TMEFF2: variants seen among roughly 807,000 people sequenced by gnomAD.
TMEFF2 encodes the protein transmembrane protein with EGF like and two follistatin like domains 2.
Under a neutral mutation model 53.8 loss-of-function variants are expected in TMEFF2, and 28 were observed. The ratio of observed to expected loss-of-function variants is 0.52; its 90% CI spans 0.39 to 0.71. The LOEUF (loss-of-function observed/expected upper bound fraction) is 0.71. Ranked by LOEUF, TMEFF2 falls within the 30% of genes least tolerant of loss-of-function variation. The pLI is 0.00. For missense variants in TMEFF2, 353 were observed against 455.2 expected (o/e 0.78, Z 2.04); for synonymous variants, 162 against 166.3 (o/e 0.97, Z 0.20).
At chr2:192,130,078 TTTAA>T (rs1380064904) in intron 4 of TMEFF2, among the ~76,000 whole-genome samples, 4 of 152,220 alleles carry the variant, frequency 2.6e-5, no homozygotes, top group Admixed American at 1.3e-4. Context: ...AAAACTGTCA[TTTAA>T]TTATTACTTT....
At chr2:192,050,701 C>G (rs150851684) in intron 5 of TMEFF2, among the ~76,000 whole-genome samples, 35 of 152,198 alleles carry the variant, frequency 2.3e-4, no homozygotes, top group African/African-American at 8.4e-4. Context: ...CCTGTATAGA[C>G]CATCGTACAG....
intron 4 of TMEFF2, 50 bp from the exon 5 acceptor site, chr2:192,057,825 T>G: frequency 7.1e-7 from 1 of 1,405,712 alleles, no homozygotes; most frequent in Non-Finnish European, 1.0e-6. Context: ...GTGCATTATA[T>G]CTACAACTCC....
chr2:192,125,176 C>A (rs1272914918), intron 4 of TMEFF2, among the ~76,000 whole-genome samples: 1 of 152,140 alleles, frequency 6.6e-6, no homozygotes, highest in Admixed American at 6.6e-5. Flanking sequence ...CATTTGGAAT[C>A]CAGTGTGTCC....
In TMEFF2 at chr2:191,999,216, AAG is replaced by A. The variant is rs753729287; in HGVS notation, c.537-10_537-9del. The A allele has an allele frequency of 7.6e-6, 12 of 1,573,612 alleles. No individual in the cohort carries two copies. The highest frequency in any genetic ancestry group is 5.4e-5 in the African/African-American group (4 of 74,026). ...TCAATATTACACACACACCTAAAAA[AAG>A]AGAGAAATAAAAACATGTAACATCA... On this transcript the variant is annotated splice_polypyrimidine_tract_variant and intron_variant, in intron 5 of 9. Transcript: ENST00000272771.
chr2:191,986,048 G>C (rs972048826), intron 7 of TMEFF2, among the ~76,000 whole-genome samples: 2 of 152,234 alleles, frequency 1.3e-5, no homozygotes, highest in East Asian at 3.9e-4. Context: ...AGTTTTAATG[G>C]CATGCCAAAC....
At chr2:192,075,085 C>G (rs927250063) in intron 4 of TMEFF2, among the ~76,000 whole-genome samples, 1 of 151,126 alleles carries the variant, frequency 6.6e-6, no homozygotes, top group East Asian at 2.0e-4. Flanking sequence ...TAATGACGAG[C>G]ATCAATATTA....
intron 5 of TMEFF2, among the ~76,000 whole-genome samples, chr2:192,025,627 T>G (rs933603274): frequency 6.0e-5 from 9 of 150,956 alleles, no homozygotes; most frequent in Non-Finnish European, 1.0e-4. Flanking sequence ...TCTGTAGATG[T>G]GCCATAATAA....
chr2:192,132,356 C>T (rs1433770704), intron 4 of TMEFF2, among the ~76,000 whole-genome samples: 3 of 152,046 alleles, frequency 2.0e-5, no homozygotes, highest in Non-Finnish European at 2.9e-5. Flanking sequence ...ATATAAAAAC[C>T]CAGCCCAGTT....
intron 4 of TMEFF2, chr2:192,178,404 G>A (rs1691102397): frequency 6.6e-6 from 1 of 150,446 alleles, no homozygotes; most frequent in South Asian, 2.1e-4. Flanking sequence ...AATCAGCTAG[G>A]AAAACTTTTA....
intron 3 of TMEFF2, among the ~76,000 whole-genome samples, 192 bp from the exon 4 acceptor site, chr2:192,179,886 A>G (rs547899389): frequency 4.6e-5 from 7 of 151,580 alleles, no homozygotes; most frequent in Non-Finnish European, 1.0e-4. Context: ...ATAATAAATT[A>G]TCCATCATTT....
intron 4 of TMEFF2, among the ~76,000 whole-genome samples, chr2:192,162,578 A>G (rs1433720625): frequency 6.6e-6 from 1 of 152,156 alleles, no homozygotes; most frequent in Admixed American, 6.5e-5. Flanking sequence ...TACAAAATTT[A>G]CTTTTCGCCA....
chr2:192,008,445 A>G (rs1686551780), intron 5 of TMEFF2, among the ~76,000 whole-genome samples: 1 of 152,214 alleles, frequency 6.6e-6, no homozygotes, highest in African/African-American at 2.4e-5. Flanking sequence ...TACTCAAAGC[A>G]AACAATTCTT....
intron 4 of TMEFF2, among the ~76,000 whole-genome samples, chr2:192,165,354 A>G (rs1269849716): frequency 6.6e-6 from 1 of 152,156 alleles, no homozygotes; most frequent in African/African-American, 2.4e-5. Context: ...CTTCACCCAG[A>G]AATGGAGGTG....
intron 5 of TMEFF2, among the ~76,000 whole-genome samples, chr2:192,021,234 A>G (rs1263692410): frequency 6.6e-6 from 1 of 152,148 alleles, no homozygotes; most frequent in Non-Finnish European, 1.5e-5. Context: ...AGGAGAACTG[A>G]TCACAGGGCT....
chr2:192,153,999 T>C (rs2106003655), intron 4 of TMEFF2, among the ~76,000 whole-genome samples: 1 of 151,988 alleles, frequency 6.6e-6, no homozygotes, highest in South Asian at 2.1e-4. Flanking sequence ...GTATATTAAA[T>C]TTGAAGGCAG....
intron 7 of TMEFF2, among the ~76,000 whole-genome samples, chr2:191,975,892 C>T (rs1445095644): frequency 1.3e-5 from 2 of 152,182 alleles, no homozygotes; most frequent in Non-Finnish European, 2.9e-5. Context: ...CCTTTATCAT[C>T]TCTTCAAGCT....
At chr2:192,174,414 T>C (rs1208965981) in intron 4 of TMEFF2, among the ~76,000 whole-genome samples, 1 of 151,848 alleles carries the variant, frequency 6.6e-6, no homozygotes, top group Admixed American at 6.6e-5. Context: ...CACTTTATTT[T>C]CCTCCTTCTG....
chr2:192,061,454 T>C (rs1688042344), intron 4 of TMEFF2, among the ~76,000 whole-genome samples: 1 of 152,162 alleles, frequency 6.6e-6, no homozygotes, highest in South Asian at 2.1e-4. Context: ...TATTAAGTAT[T>C]ACAAGTAATC....
chr2:192,127,818 G>A (rs910510864), intron 4 of TMEFF2, among the ~76,000 whole-genome samples: 1 of 152,134 alleles, frequency 6.6e-6, no homozygotes, highest in Non-Finnish European at 1.5e-5. Context: ...TCAAAGCTTA[G>A]CAGAAATCCT....
Sources: gnomAD v4.1 joint callset for allele counts (sites outside exome capture counted in the v4.1 genomes callset) on GRCh38, gnomAD v4.1.1 for gene constraint, MANE v1.5 for transcripts, NCBI Gene and HGNC (gene_info 2026-07-23, HGNC 2026-07-21) for gene names.